The following RBFOX2 variants were observed in gnomAD, a reference collection of about 807,000 sequenced individuals.
RBFOX2 encodes RNA binding protein fox-1 homolog 2.
A neutral mutation model predicts 49.1 loss-of-function variants in RBFOX2; 10 were observed. That is an observed-to-expected ratio of 0.20 (90% CI 0.13 to 0.35). The LOEUF (loss-of-function observed/expected upper bound fraction) is 0.35. RBFOX2 is among the 10% of genes least tolerant of loss of function. RBFOX2 has a pLI of 1.00. For missense variants in RBFOX2, 323 were observed against 486.9 expected (o/e 0.66, Z 3.17); for synonymous variants, 183 against 187.4 (o/e 0.98, Z 0.19).
chr22:35,738,984 A>G (rs1256820853), exon 12 of RBFOX2: 1 of 152,682 alleles, frequency 6.5e-6, no homozygotes, highest in Non-Finnish European at 1.5e-5. Context: ...GCTACTATAC[A>G]ATATGATTCT....
chr22:35,819,149 G>C (rs562837465), intron 1 of RBFOX2, among the ~76,000 whole-genome samples: 207 of 152,178 alleles, frequency 1.4e-3, no homozygotes, highest in African/African-American at 4.6e-3. Flanking sequence ...GAGCATATAG[G>C]AAGTGCCCTT....
chr22:35,914,767 C>T (rs1331945003), intron 1 of RBFOX2, among the ~76,000 whole-genome samples: 1 of 152,144 alleles, frequency 6.6e-6, no homozygotes, highest in African/African-American at 2.4e-5. Context: ...GAATGTCACC[C>T]GATCCCCGGG....
chr22:35,903,575 G>T (rs2048819817), intron 1 of RBFOX2, among the ~76,000 whole-genome samples: 1 of 151,984 alleles, frequency 6.6e-6, no homozygotes, highest in Non-Finnish European at 1.5e-5. Context: ...GCTCCAATAT[G>T]ACTACTTAGC....
intron 2 of RBFOX2, among the ~76,000 whole-genome samples, chr22:35,803,093 C>T (rs1157659760): frequency 1.3e-5 from 2 of 151,484 alleles, no homozygotes; most frequent in Non-Finnish European, 2.9e-5. Context: ...CACTAGTGGC[C>T]GTATACTGTG....
chr22:35,885,581 A>G (rs1425613768), intron 1 of RBFOX2, among the ~76,000 whole-genome samples: 1 of 152,144 alleles, frequency 6.6e-6, no homozygotes, highest in Non-Finnish European at 1.5e-5. Context: ...TCTGATTTTC[A>G]TGGATACAAG....
chr22:35,938,527 G>C (rs776207920), intron 1 of RBFOX2, among the ~76,000 whole-genome samples: 2 of 152,120 alleles, frequency 1.3e-5, no homozygotes, highest in African/African-American at 4.8e-5. Flanking sequence ...AAAGAGACAA[G>C]TCCAGCATTC....
chr22:35,825,848 G>A (rs1364311540), intron 1 of RBFOX2, among the ~76,000 whole-genome samples: 1 of 151,892 alleles, frequency 6.6e-6, no homozygotes, highest in African/African-American at 2.4e-5. Flanking sequence ...GAGCGTGGTG[G>A]CAGGTGCCCG....
intron 1 of RBFOX2, chr22:35,992,921 G>C (rs1194683904): frequency 6.6e-6 from 1 of 152,080 alleles, no homozygotes; most frequent in Admixed American, 6.6e-5. Context: ...CAGAAAACAG[G>C]ATACCTTGCT....
intron 1 of RBFOX2, among the ~76,000 whole-genome samples, chr22:35,867,567 T>C (rs1222435221): frequency 6.6e-6 from 1 of 152,198 alleles, no homozygotes; most frequent in African/African-American, 2.4e-5. Flanking sequence ...GCCTTTTTAA[T>C]TTGTTATTCA....
chr22:35,989,469 T>C (rs914645851), intron 1 of RBFOX2, among the ~76,000 whole-genome samples: 4 of 152,064 alleles, frequency 2.6e-5, no homozygotes, highest in African/African-American at 9.7e-5. Flanking sequence ...ATGGTGATTT[T>C]GGAGAAAAGA....
intron 9 of RBFOX2, chr22:35,747,676 G>A (rs1933275554): frequency 6.6e-6 from 1 of 152,118 alleles, no homozygotes. Flanking sequence ...TTACCTAAAC[G>A]TAATTCAGAT....
At chr22:35,853,658 C>CGT (rs36048607) in intron 1 of RBFOX2, among the ~76,000 whole-genome samples, 15,692 of 140,914 alleles carry the variant, frequency 0.11, 925 homozygotes, top group South Asian at 0.15. Flanking sequence ...TATATACACA[C>CGT]GTGTGTGTGT....
intron 1 of RBFOX2, among the ~76,000 whole-genome samples, chr22:35,973,387 C>A (rs1202411300): frequency 6.6e-6 from 1 of 152,170 alleles, no homozygotes; most frequent in African/African-American, 2.4e-5. Flanking sequence ...AGAGGGGGGA[C>A]AGACCAACAT....
intron 1 of RBFOX2, among the ~76,000 whole-genome samples, chr22:35,873,275 G>A (rs1422337189): frequency 2.0e-5 from 3 of 152,118 alleles, no homozygotes; most frequent in Non-Finnish European, 2.9e-5. Context: ...GGGATTACAG[G>A]TGTGTACCAC....
At chr22:35,994,568 G>C (rs2058111511) in intron 1 of RBFOX2, 1 of 151,818 alleles carries the variant, frequency 6.6e-6, no homozygotes, top group African/African-American at 2.4e-5. Context: ...ACCATACCCA[G>C]TTAATTTTTT....
At chr22:35,885,840 CTAATTTTTTTTTTTTTTT>C (rs1449728015) in intron 1 of RBFOX2, among the ~76,000 whole-genome samples, 1 of 136,444 alleles carries the variant, frequency 7.3e-6, no homozygotes, top group Non-Finnish European at 1.6e-5. Context: ...AAACCCAAAC[CTAATTTTTTTTTTTTTTT>C]TTTTTTTTTT....
chr22:35,872,539 C>G (rs1010265763), intron 1 of RBFOX2, among the ~76,000 whole-genome samples: 12 of 152,156 alleles, frequency 7.9e-5, no homozygotes, highest in African/African-American at 2.9e-4. Flanking sequence ...GATTTTTCCA[C>G]CAATGTGGGA....
At chr22:35,840,609 C>T (rs1958575551), upstream of RBFOX2, 32 of 1,120,440 alleles carry the variant, frequency 2.9e-5, no homozygotes, top group South Asian at 8.4e-5. Context: ...GTACGCTGTG[C>T]GCACGCGTGT....
At chr22:35,976,340 C>A (rs575482819) in intron 1 of RBFOX2, among the ~76,000 whole-genome samples, 1 of 144,692 alleles carries the variant, frequency 6.9e-6, no homozygotes, top group Admixed American at 6.7e-5. Flanking sequence ...ACCACCACCC[C>A]CCCCTCTTAA....
Sources: gnomAD v4.1 joint callset for allele counts (sites outside exome capture counted in the v4.1 genomes callset) on GRCh38, gnomAD v4.1.1 for gene constraint, MANE v1.5 for transcripts, NCBI Gene and HGNC (gene_info 2026-07-23, HGNC 2026-07-21) for gene names.